Variants in P2RX7 observed in about 807,000 individuals in gnomAD.
The protein encoded by P2RX7 is P2X purinoceptor 7.
A neutral mutation model predicts 71.6 loss-of-function variants in P2RX7; 62 were observed. The ratio of observed to expected loss-of-function variants is 0.87; its 90% CI spans 0.71 to 1.07. P2RX7 has a LOEUF of 1.07. Among genes scored for constraint, P2RX7 ranks in the 50% least tolerant of loss-of-function variants. P2RX7 has a pLI of 0.00. For missense variants in P2RX7, 686 were observed against 748.5 expected (o/e 0.92, Z 0.97); for synonymous variants, 299 against 283.3 (o/e 1.06, Z -0.56).
chr12:121,135,619 A>G, intron 1 of P2RX7, among the ~76,000 whole-genome samples: 1 of 152,092 alleles, frequency 6.6e-6, no homozygotes. Flanking sequence ...ATCCCTGATT[A>G]AGTGTTAGTT....
chr12:121,156,197 G>A lies in P2RX7; in HGVS notation c.363+50G>A, dbSNP rs781521182. 2.7e-6 allele frequency: 4 copies of A among 1,489,048 alleles called. No homozygotes were observed. The African/African-American group carries it at 4.2e-5, about 15-fold the overall frequency. 92.2% of individuals were successfully genotyped at this position (1,489,048 alleles called of 1,614,324 possible). A position where few individuals can be genotyped will look rare whatever the true frequency, so the allele number is the denominator to read the frequency against. ...GGTCAGGTCTTAAGAGTTCCTGGGG[G>A]AGGTGCAAGTCGGAAGAAGCAGAAA... On this transcript the variant is annotated intron_variant, in intron 3 of 12. Transcript: ENST00000328963.
chr12:121,181,091 G>A (rs1174779685), intron 12 of P2RX7, among the ~76,000 whole-genome samples: 1 of 152,170 alleles, frequency 6.6e-6, no homozygotes, highest in Non-Finnish European at 1.5e-5. Flanking sequence ...TCTCTTAAAA[G>A]TAGTCATTAT....
rs1406446369 is a variant in P2RX7, at chr12:121,177,138, T to C, written c.973-9T>C. On this transcript the variant is annotated splice_polypyrimidine_tract_variant and intron_variant, in intron 9 of 12. Transcript: ENST00000328963. Reference sequence around the variant, plus strand: ...TTCACCTGAGTAAACTCTCCCACTCTGTTTTTAGGGAGGAAAATTTGACAT... The same window carrying C: ...TTCACCTGAGTAAACTCTCCCACTCCGTTTTTAGGGAGGAAAATTTGACAT... 6.2e-7 allele frequency: 1 copy of C among 1,613,590 alleles called. No individual in the cohort carries two copies. Among genetic ancestry groups the C allele is most frequent in the Admixed American group, 1.7e-5 (1 of 60,022 alleles).
chr12:121,165,498 A>C, intron 6 of P2RX7, 61 bp downstream of exon 6: 1 of 1,327,500 alleles, frequency 7.5e-7, no homozygotes, highest in Non-Finnish European at 1.1e-6. Flanking sequence ...AATTATCCCA[A>C]ACCTCAGAAG....
At chr12:121,161,870 A>G (rs1879803760) in intron 4 of P2RX7, among the ~76,000 whole-genome samples, 1 of 152,118 alleles carries the variant, frequency 6.6e-6, no homozygotes, top group African/African-American at 2.4e-5. Flanking sequence ...TATAATGCAA[A>G]CACACACAAA....
intron 3 of P2RX7, among the ~76,000 whole-genome samples, chr12:121,157,266 AC>A (rs2136051737): frequency 6.6e-6 from 1 of 152,260 alleles, no homozygotes; most frequent in African/African-American, 2.4e-5. Context: ...AGTTTTGCTC[AC>A]GGGCCCACTC....
chr12:121,180,203 A>G (rs1056740487), intron 11 of P2RX7, 151 bp from the exon 12 acceptor site: 6 of 423,682 alleles, frequency 1.4e-5, no homozygotes, highest in African/African-American at 6.2e-5. Context: ...CTTTAGACTC[A>G]GAAATCATTA....
At chr12:121,177,647 G>A (rs1325787436) in intron 11 of P2RX7, among the ~76,000 whole-genome samples, 1 of 151,990 alleles carries the variant, frequency 6.6e-6, no homozygotes. Context: ...GCAAGATAGA[G>A]GGAAGGCAAA....
intron 1 of P2RX7, among the ~76,000 whole-genome samples, chr12:121,138,821 G>C (rs1874242564): frequency 6.6e-6 from 1 of 152,188 alleles, no homozygotes; most frequent in Non-Finnish European, 1.5e-5. Context: ...TCCTCATCTG[G>C]GACATGCTTC....
chr12:121,162,235 T>C, intron 4 of P2RX7, 189 bp from the exon 5 acceptor site: 2 of 1,395,414 alleles, frequency 1.4e-6, no homozygotes, highest in Non-Finnish European at 1.9e-6. Flanking sequence ...TATTATGTTT[T>C]GCTTGTTTGC....
chr12:121,180,413 A>G lies in P2RX7; in HGVS notation c.1248A>G (p.Leu416=). The part of the protein sequence containing the change: ...ESHIRMVNQQ[L]LGRSLQDVKG... ...ACATTAGGATGGTGAACCAGCAGCT[A>G]CTAGGGAGAAGTCTGCAAGATGTCA... The change falls in exon 12 of 13, where the codon CTA becomes CTG. Residue 416 remains leucine (L), a synonymous_variant. Transcript: ENST00000328963. 1 of 1,606,532 alleles carries G rather than the reference A, an allele frequency of 6.2e-7. No homozygotes were observed. Among genetic ancestry groups the G allele is most frequent in the Middle Eastern group, 1.7e-4 (1 of 6,042 alleles).
At chr12:121,153,677 C>CAA (rs139218604) in intron 1 of P2RX7, among the ~76,000 whole-genome samples, 1 of 150,072 alleles carries the variant, frequency 6.7e-6, no homozygotes, top group African/African-American at 2.5e-5. Context: ...GACTCCATCT[C>CAA]AAAAAAACAT....
At chr12:121,138,390 AG>A in intron 1 of P2RX7, among the ~76,000 whole-genome samples, 1 of 152,390 alleles carries the variant, frequency 6.6e-6, no homozygotes, top group Admixed American at 6.5e-5. Context: ...AGAAAGTCCC[AG>A]GAAAGACTCT....
At position 121,138,382 on chromosome 12, in the gene P2RX7, A is replaced by G. The variant is rs534267627; in HGVS notation, c.125+5287A>G. Among the ~76,000 whole-genome samples the G allele has an allele frequency of 9.2e-5, 14 of 152,386 alleles. No individual in the cohort carries two copies. In the South Asian group the frequency reaches 2.7e-3, roughly 29 times the overall value. Reference sequence around the variant, plus strand: ...AGTCTTTCCTGATAGCTCTGCTAAGAAAGTCCCAGGAAAGACTCTGATTGA... The same window carrying G: ...AGTCTTTCCTGATAGCTCTGCTAAGGAAGTCCCAGGAAAGACTCTGATTGA... On this transcript the variant is annotated intron_variant, in intron 1 of 12. Transcript: ENST00000328963.
rs1884631981 is a variant in P2RX7 at position 121,184,370 on chromosome 12, T to C, written c.1356T>C (p.Ile452=). 1 of 1,614,004 alleles carries C rather than the reference T, an allele frequency of 6.2e-7. No homozygotes were observed. The highest frequency in any genetic ancestry group is 1.3e-5 in the African/African-American group (1 of 74,914). Residue 452 remains isoleucine, a synonymous_variant, in exon 13 of 13, where the codon ATT becomes ATC. Transcript: ENST00000328963. ...LPLALHDTPP[I]PGQPEEIQLL... ...TGGCCCTCCATGACACACCCCCGATTCCTGGACAACCAGAGGAGATACAGC... is the reference window on the plus strand; with the variant it reads ...TGGCCCTCCATGACACACCCCCGATCCCTGGACAACCAGAGGAGATACAGC...
At position 121,185,076 on chromosome 12, in the gene P2RX7, T is replaced by G; in HGVS notation, c.*274T>G. The G allele has an allele frequency of 2.9e-5, 8 of 276,106 alleles. No individual in the cohort carries two copies. The highest frequency in any genetic ancestry group is 4.1e-5 in the Non-Finnish European group (6 of 147,834). 17.1% of individuals were successfully genotyped at this position (276,106 alleles called of 1,614,324 possible). On this transcript the variant is annotated 3_prime_UTR_variant, in exon 13 of 13. Transcript: ENST00000328963. ...CTCCAGCCTGGGAGGCACAGCAAAC[T>G]GTCCCCCAAAAAAAAAAAAGAGTCC... is the stretch of plus-strand genomic sequence containing the variant.
At chr12:121,164,375 C>A (rs1880551258) in intron 5 of P2RX7, among the ~76,000 whole-genome samples, 1 of 152,200 alleles carries the variant, frequency 6.6e-6, no homozygotes, top group Non-Finnish European at 1.5e-5. Flanking sequence ...AAATACAAGT[C>A]CCAGATACGG....
intron 8 of P2RX7, among the ~76,000 whole-genome samples, chr12:121,174,437 C>G (rs953118980): frequency 6.6e-6 from 1 of 152,096 alleles, no homozygotes; most frequent in Non-Finnish European, 1.5e-5. Context: ...GGGAGTATCA[C>G]TTGGGCCCAG....
intron 11 of P2RX7, 128 bp downstream of exon 11, chr12:121,177,574 C>T (rs796463225): frequency 1.5e-5 from 13 of 845,680 alleles, no homozygotes; most frequent in African/African-American, 5.1e-5. Context: ...GGTTCTACCC[C>T]GATCAACCAA....
Sources: gnomAD v4.1 joint callset for allele counts (sites outside exome capture counted in the v4.1 genomes callset) on GRCh38, gnomAD v4.1.1 for gene constraint, MANE v1.5 for transcripts, NCBI Gene and HGNC (gene_info 2026-07-23, HGNC 2026-07-21) for gene names.